KCNQ2: variants seen among roughly 807,000 people sequenced by gnomAD.
KCNQ2 encodes potassium voltage-gated channel subfamily KQT member 2.
KCNQ2 carries 14 observed loss-of-function variants against 84.8 expected under a neutral mutation model. That is an observed-to-expected ratio of 0.17 (90% CI 0.11 to 0.26). The LOEUF (loss-of-function observed/expected upper bound fraction) is 0.26, where lower values mean the gene tolerates loss of function less well. KCNQ2 is among the 10% of genes least tolerant of loss of function. The probability of loss-of-function intolerance (pLI) is 1.00; values close to 1 mark genes in which losing one functional copy is unlikely to be tolerated. For synonymous variants in KCNQ2, 599 were observed against 554.1 expected (o/e 1.08, Z -1.14); for missense variants, 788 against 1,254.0 (o/e 0.63, Z 5.61).
intron 1 of KCNQ2, among the ~76,000 whole-genome samples, chr20:63,458,719 C>T (rs1169084483): frequency 3.3e-5 from 5 of 152,210 alleles, no homozygotes; most frequent in African/African-American, 7.2e-5. Flanking sequence ...TGCACAGAGG[C>T]GTCTCCCCAC....
intron 11 of KCNQ2, chr20:63,423,867 G>C: frequency 2.0e-6 from 1 of 495,442 alleles, no homozygotes; most frequent in Non-Finnish European, 3.6e-6. Flanking sequence ...GAGACCCCCT[G>C]CCTCCGAGAA....
intron 9 of KCNQ2, among the ~76,000 whole-genome samples, chr20:63,429,920 G>A (rs1164957989): frequency 6.6e-6 from 1 of 152,158 alleles, no homozygotes; most frequent in Non-Finnish European, 1.5e-5. Context: ...GCTCCTGTGA[G>A]CCCCCTCCCT....
chr20:63,438,590 GGCT>G lies in KCNQ2; in HGVS notation c.1023+32_1023+34del, dbSNP rs2081070431. On this transcript the variant is annotated intron_variant, in intron 7 of 16. Transcript: ENST00000359125. This position sits in a 1 kb window ranked among gnomAD's most constrained non-coding sequence, Gnocchi z 5.1. ...CTCAACAAGGTGGGACCAGGACAAG[GGCT>G]GTGCTGGTCCCCGGGGGACACCTGG... is the stretch of plus-strand genomic sequence containing the variant. 1 of 1,561,750 alleles carries G rather than the reference GGCT, an allele frequency of 6.4e-7. No individual in the cohort carries two copies. Among genetic ancestry groups the G allele is most frequent in the East Asian group, 2.2e-5 (1 of 44,664 alleles).
At chr20:63,443,111 C>T (rs1343842170) in intron 4 of KCNQ2, among the ~76,000 whole-genome samples, 13 of 89,060 alleles carry the variant, frequency 1.5e-4, no homozygotes, top group South Asian at 1.0e-3. Flanking sequence ...ACCATCACCA[C>T]CACCACTATC....
chr20:63,414,411 C>G lies in KCNQ2; in HGVS notation c.1526-218G>C, dbSNP rs971363489. On this transcript the variant is annotated intron_variant, in intron 13 of 16. Transcript: ENST00000359125. This position sits in a 1 kb window ranked among gnomAD's most constrained non-coding sequence, Gnocchi z 6.6. ...GGCAGGCTGTGGCCACAGGGAGTGG[C>G]CGATATGGGGCGTCAAAGGACATTC... 1.3e-5 allele frequency among the ~76,000 whole-genome samples: 2 copies of G among 152,140 alleles called. No individual in the cohort carries two copies. The highest frequency in any genetic ancestry group is 4.8e-5 in the African/African-American group (2 of 41,446).
Position 63,400,214 on chromosome 20 carries a change from T to C in KCNQ2, c.*6430A>G, listed in dbSNP as rs574822775. On this transcript the variant is annotated 3_prime_UTR_variant, in exon 17 of 17. Transcript: ENST00000359125. This position sits in a 1 kb window ranked among gnomAD's most constrained non-coding sequence, Gnocchi z 8.7. ...GTGAGGAGGCCACACACCGTCCAGG[T>C]TGAATCACTGCGTTTTACTGAGTGC... is the stretch of plus-strand genomic sequence containing the variant. 6.0e-4 allele frequency: 98 copies of C among 163,090 alleles called. No homozygotes were observed. The highest frequency in any genetic ancestry group is 1.0e-3 in the Admixed American group (16 of 15,568). 10.1% of individuals were successfully genotyped at this position (163,090 alleles called of 1,614,324 possible).
chr20:63,461,358 A>C (rs1746582449), intron 1 of KCNQ2, among the ~76,000 whole-genome samples: 1 of 152,172 alleles, frequency 6.6e-6, no homozygotes, highest in Non-Finnish European at 1.5e-5. Context: ...AAAGGAGAGA[A>C]GCCGGTCGTG....
At chr20:63,434,560 C>T (rs2080931962) in intron 7 of KCNQ2, 1 of 152,244 alleles carries the variant, frequency 6.6e-6, no homozygotes, top group African/African-American at 2.4e-5. Flanking sequence ...TTCGTCGCCC[C>T]CAAATAAACC....
intron 15 of KCNQ2, among the ~76,000 whole-genome samples, chr20:63,409,524 G>A (rs2080049490): frequency 6.6e-6 from 1 of 152,218 alleles, no homozygotes; most frequent in African/African-American, 2.4e-5. Flanking sequence ...AGCTACGTGG[G>A]AACTCACTTG....
At chr20:63,417,459 A>T (rs2080331112) in intron 12 of KCNQ2, among the ~76,000 whole-genome samples, 1 of 152,122 alleles carries the variant, frequency 6.6e-6, no homozygotes, top group African/African-American at 2.4e-5. Context: ...CTCCTTTCTC[A>T]CGGCAGCTGG....
intron 10 of KCNQ2, among the ~76,000 whole-genome samples, chr20:63,427,873 G>C (rs574951979): frequency 6.6e-6 from 1 of 152,114 alleles, no homozygotes; most frequent in African/African-American, 2.4e-5. Flanking sequence ...GCTTGGGGAC[G>C]GCTCTGGGCC....
At chr20:63,454,946 C>T (rs916227896) in intron 1 of KCNQ2, among the ~76,000 whole-genome samples, 7 of 152,248 alleles carry the variant, frequency 4.6e-5, no homozygotes, top group South Asian at 2.1e-4. Flanking sequence ...GTGGGTACAG[C>T]CCCTCCTGCA....
In KCNQ2 at chr20:63,404,019, C is replaced by T. The variant is rs1247706330; in HGVS notation, c.*2625G>A. 1 of 152,534 alleles carries T rather than the reference C, an allele frequency of 6.6e-6. No individual in the cohort carries two copies. The highest frequency in any genetic ancestry group is 2.4e-5 in the African/African-American group (1 of 41,458). The allele number at this position is 152,534 out of a possible 1,614,324, so 9.4% of individuals were successfully genotyped here. A position where few individuals can be genotyped will look rare whatever the true frequency, so the allele number is the denominator to read the frequency against. On this transcript the variant is annotated 3_prime_UTR_variant, in exon 17 of 17. Coordinates refer to ENST00000359125, the MANE Select transcript of KCNQ2 (RefSeq NM_172107.4). Reference sequence around the variant, plus strand: ...TGTCTCCCAAAACAGGGCCCCGCAACCATCCCAGGACGTGCACCTTCCCTC... The same window carrying T: ...TGTCTCCCAAAACAGGGCCCCGCAATCATCCCAGGACGTGCACCTTCCCTC...
chr20:63,460,054 T>C lies in KCNQ2; in HGVS notation c.296+12114A>G, dbSNP rs1365978048. The C allele has an allele frequency of 1.3e-5, 2 of 152,234 alleles. No homozygotes were observed. The highest frequency in any genetic ancestry group is 4.8e-5 in the African/African-American group (2 of 41,428). 9.4% of individuals were successfully genotyped at this position (152,234 alleles called of 1,614,324 possible). On this transcript the variant is annotated intron_variant, in intron 1 of 16. Transcript: ENST00000359125. The surrounding 1 kb of genome is among the most constrained non-coding windows in gnomAD (Gnocchi z 5.4). ...AGCTGTAGAATCGCCCCTTCTTCTG[T>C]GGCTGAAGCTTGGCTCTGGCCCTGG...
intron 10 of KCNQ2, among the ~76,000 whole-genome samples, chr20:63,426,160 A>G (rs116509248): frequency 0.011 from 1,667 of 152,184 alleles, 30 homozygotes; most frequent in African/African-American, 0.038. Flanking sequence ...CCTTCGTCCA[A>G]CGCTGTCTCT....
chr20:63,463,672 G>C (rs2082012168), intron 1 of KCNQ2: 1 of 152,196 alleles, frequency 6.6e-6, no homozygotes, highest in South Asian at 2.1e-4. Context: ...CTGGCCTTTT[G>C]CTCCCACTCA....
chr20:63,471,815 G>A (rs538338958), intron 1 of KCNQ2: 87 of 219,700 alleles, frequency 4.0e-4, no homozygotes, highest in Non-Finnish European at 6.2e-4. Context: ...GGAGAGTCCA[G>A]ACCCAGCGCT....
chr20:63,464,105 G>A (rs1331163794), intron 1 of KCNQ2, among the ~76,000 whole-genome samples: 3 of 152,164 alleles, frequency 2.0e-5, no homozygotes, highest in East Asian at 1.9e-4. Flanking sequence ...AGAGCCTAAT[G>A]TCAGTTCCAG....
intron 1 of KCNQ2, among the ~76,000 whole-genome samples, chr20:63,453,234 C>T (rs1446865281): frequency 6.6e-6 from 1 of 152,358 alleles, no homozygotes; most frequent in East Asian, 1.9e-4. Context: ...AGGCACTGGC[C>T]CTGAGGCACC....
Sources: allele counts gnomAD v4.1 joint callset (sites outside exome capture counted in the v4.1 genomes callset), GRCh38; gene constraint gnomAD v4.1.1; non-coding constraint Gnocchi (gnomAD v3.1); transcripts MANE v1.5; gene names NCBI Gene and HGNC (gene_info 2026-07-23, HGNC 2026-07-21).